THSD7A: variants seen among roughly 807,000 people sequenced by gnomAD.
THSD7A encodes the protein thrombospondin type-1 domain-containing protein 7A.
A neutral mutation model predicts 231.3 loss-of-function variants in THSD7A; 96 were observed. That is an observed-to-expected ratio of 0.41 (90% confidence interval 0.35 to 0.49). The LOEUF is 0.49. Among genes scored for constraint, THSD7A ranks in the 20% least tolerant of loss-of-function variants. The pLI is 0.05. For synonymous variants in THSD7A, 940 were observed against 743.3 expected (o/e 1.26, Z -4.30); for missense variants, 2,290 against 2,070.2 (o/e 1.11, Z -2.06).
chr7:11,762,894 G>A (rs1457870065), intron 1 of THSD7A, among the ~76,000 whole-genome samples: 1 of 152,042 alleles, frequency 6.6e-6, no homozygotes, highest in African/African-American at 2.4e-5. Flanking sequence ...GAAATCTACA[G>A]ATTCAACACA....
intron 1 of THSD7A, among the ~76,000 whole-genome samples, chr7:11,659,338 G>A (rs1049589320): frequency 6.6e-6 from 1 of 151,530 alleles, no homozygotes; most frequent in African/African-American, 2.4e-5. Flanking sequence ...ATTTGTTCAT[G>A]TCACTTTCTT....
At chr7:11,470,881 AT>A (rs1785911255) in intron 8 of THSD7A, among the ~76,000 whole-genome samples, 2 of 151,978 alleles carry the variant, frequency 1.3e-5, no homozygotes, top group African/African-American at 4.8e-5. Context: ...GTCTAACTTC[AT>A]ATAAGCTTTC....
rs756952682 is a variant in THSD7A at position 11,401,844 on chromosome 7, C to T, written c.4362G>A (p.Glu1454=). Residue 1454 remains glutamate, a synonymous_variant, in exon 23 of 28, where the codon GAG becomes GAA. Transcript: ENST00000423059. ...TCTGCTCTGGGCACAGATGCTGATT[C>T]TCTAGTTCTTGTATAATCACCGGTC... The part of the protein sequence containing the change: ...RSRPVIIQEL[E]NQHLCPEQML... The T allele has an allele frequency of 6.2e-7, 1 of 1,613,816 alleles. No individual in the cohort carries two copies. The highest frequency in any genetic ancestry group is 2.2e-5 in the East Asian group (1 of 44,864).
At chr7:11,461,660 G>T (rs1034083814) in intron 10 of THSD7A, among the ~76,000 whole-genome samples, 13 of 152,146 alleles carry the variant, frequency 8.5e-5, no homozygotes, top group Admixed American at 7.9e-4. Context: ...TAATGCTTAG[G>T]CTAGTCTTCT....
chr7:11,408,434 G>A (rs1042204865), intron 19 of THSD7A, among the ~76,000 whole-genome samples: 2 of 151,468 alleles, frequency 1.3e-5, no homozygotes, highest in Non-Finnish European at 2.9e-5. Flanking sequence ...GGACGTGGAG[G>A]TTGCAGTGAG....
intron 1 of THSD7A, among the ~76,000 whole-genome samples, chr7:11,783,470 A>T (rs1429183034): frequency 6.6e-6 from 1 of 152,186 alleles, no homozygotes; most frequent in Non-Finnish European, 1.5e-5. Context: ...AGTAAATCAG[A>T]ACCATATGTA....
rs545662075 is a variant in THSD7A, at chr7:11,381,711, T to A, written c.4507+810A>T. 2.6e-3 allele frequency among the ~76,000 whole-genome samples: 391 copies of A among 152,300 alleles called. 1 individual carries two copies. Among genetic ancestry groups the A allele is most frequent in the African/African-American group, 8.0e-3 (333 of 41,570 alleles). ...GAAATTGCTTATGGAAAGGCTTAGA[T>A]TTCTGGGTCCATGTGCCTGAAATTA... is the stretch of plus-strand genomic sequence containing the variant. On this transcript the variant is annotated intron_variant, in intron 24 of 27. Coordinates refer to ENST00000423059, the MANE Select transcript of THSD7A (RefSeq NM_015204.3).
chr7:11,580,049 GT>G lies in THSD7A; in HGVS notation c.1453+10410del, dbSNP rs899774414. Reference sequence around the variant, plus strand: ...GAATTTGGAATTTTGAAATCTGGCTGTTTTTTTTAAAATAACATTTAGGGTT... The same window carrying G: ...GAATTTGGAATTTTGAAATCTGGCTGTTTTTTTAAAATAACATTTAGGGTT... On this transcript the variant is annotated intron_variant, in intron 4 of 27. Coordinates refer to ENST00000423059, the MANE Select transcript of THSD7A (RefSeq NM_015204.3). Among the ~76,000 whole-genome samples, 33 of 152,028 alleles carry G rather than the reference GT, an allele frequency of 2.2e-4. No individual in the cohort carries two copies. In the East Asian group the frequency reaches 4.8e-3, roughly 22 times the overall value.
intron 23 of THSD7A, among the ~76,000 whole-genome samples, chr7:11,391,661 TG>T: frequency 6.6e-6 from 1 of 152,226 alleles, no homozygotes; most frequent in Non-Finnish European, 1.5e-5. Context: ...CATTGGGGTA[TG>T]AAAAAAAGCT....
At chr7:11,548,363 T>C (rs1789485648) in intron 4 of THSD7A, among the ~76,000 whole-genome samples, 1 of 151,732 alleles carries the variant, frequency 6.6e-6, no homozygotes. Context: ...GAAACAGTAA[T>C]AAAAAACCCT....
intron 6 of THSD7A, among the ~76,000 whole-genome samples, chr7:11,533,696 C>T (rs1562692739): frequency 1.3e-5 from 2 of 152,188 alleles, no homozygotes; most frequent in South Asian, 2.1e-4. Context: ...ACAATGAGAA[C>T]ACAGGGACAT....
At chr7:11,614,648 A>G (rs1473757385) in intron 2 of THSD7A, among the ~76,000 whole-genome samples, 1 of 152,254 alleles carries the variant, frequency 6.6e-6, no homozygotes, top group African/African-American at 2.4e-5. Flanking sequence ...TTTTATCACA[A>G]CTATAGCCTT....
chr7:11,660,216 A>G (rs964883987), intron 1 of THSD7A, among the ~76,000 whole-genome samples: 5 of 151,580 alleles, frequency 3.3e-5, no homozygotes, highest in African/African-American at 1.2e-4. Context: ...TACTGTGCTA[A>G]GCACTGGATA....
At chr7:11,475,082 A>G (rs1786103107) in intron 7 of THSD7A, among the ~76,000 whole-genome samples, 1 of 152,186 alleles carries the variant, frequency 6.6e-6, no homozygotes, top group Non-Finnish European at 1.5e-5. Context: ...GCAATTAACA[A>G]TATTGACATA....
intron 1 of THSD7A, among the ~76,000 whole-genome samples, chr7:11,827,703 C>T (rs1785072326): frequency 6.6e-6 from 1 of 152,126 alleles, no homozygotes. Flanking sequence ...TCCATGCTTA[C>T]ATCTTCAGCC....
chr7:11,754,875 G>A (rs891408746), intron 1 of THSD7A, among the ~76,000 whole-genome samples: 3 of 151,808 alleles, frequency 2.0e-5, no homozygotes, highest in South Asian at 2.1e-4. Flanking sequence ...TTGACAATAC[G>A]CAGACACTGA....
At chr7:11,430,370 C>G (rs998447283) in intron 13 of THSD7A, among the ~76,000 whole-genome samples, 24 of 152,294 alleles carry the variant, frequency 1.6e-4, no homozygotes, top group African/African-American at 5.1e-4. Context: ...TTTCCCCTTC[C>G]TCATCCCCTG....
intron 1 of THSD7A, among the ~76,000 whole-genome samples, chr7:11,774,985 G>A (rs1316427464): frequency 6.6e-6 from 1 of 152,092 alleles, no homozygotes; most frequent in East Asian, 1.9e-4. Flanking sequence ...AACCCAGGAG[G>A]CAGGGGTTGC....
chr7:11,726,225 T>C (rs771665601), intron 1 of THSD7A, among the ~76,000 whole-genome samples: 2 of 151,942 alleles, frequency 1.3e-5, no homozygotes, highest in Non-Finnish European at 2.9e-5. Flanking sequence ...GAACCAGAGT[T>C]GAAAAGGGAG....
Sources: gnomAD v4.1 joint callset for allele counts (sites outside exome capture counted in the v4.1 genomes callset) on GRCh38, gnomAD v4.1.1 for gene constraint, MANE v1.5 for transcripts, NCBI Gene and HGNC (gene_info 2026-07-23, HGNC 2026-07-21) for gene names.